The following TTC28 variants were observed in gnomAD, a reference collection of about 807,000 sequenced individuals.
TTC28 encodes tetratricopeptide repeat protein 28.
Under a neutral mutation model 198.0 loss-of-function variants are expected in TTC28, and 61 were observed. The observed-to-expected ratio is 0.31, with a 90% CI of 0.25 to 0.38. TTC28 has a LOEUF of 0.38. Ranked by LOEUF, TTC28 falls within the 10% of genes least tolerant of loss-of-function variation. TTC28 has a pLI of 1.00. For synonymous variants in TTC28, 1,171 were observed against 1,297.8 expected, an observed-to-expected ratio of 0.90 and a Z score of 2.10; for missense variants, 2,678 against 3,164.0, an observed-to-expected ratio of 0.85 and a Z score of 3.69.
intron 5 of TTC28, among the ~76,000 whole-genome samples, chr22:28,283,030 A>C (rs1281666317): frequency 6.6e-6 from 1 of 152,186 alleles, no homozygotes; most frequent in African/African-American, 2.4e-5. Flanking sequence ...CCGATTTATA[A>C]TACAAAGTAC....
At chr22:28,281,805 A>G (rs1192507912) in intron 5 of TTC28, among the ~76,000 whole-genome samples, 2 of 152,236 alleles carry the variant, frequency 1.3e-5, no homozygotes, top group Non-Finnish European at 2.9e-5. Flanking sequence ...ATCTCTATTC[A>G]GTTCTTCCAG....
intron 3 of TTC28, among the ~76,000 whole-genome samples, chr22:28,300,406 G>A (rs150065150): frequency 2.9e-4 from 44 of 152,098 alleles, no homozygotes; most frequent in Admixed American, 2.0e-3. Context: ...CTACAACAAT[G>A]GTAGAAAGAA....
At chr22:28,059,410 T>C (rs2146730931) in intron 12 of TTC28, among the ~76,000 whole-genome samples, 1 of 152,186 alleles carries the variant, frequency 6.6e-6, no homozygotes, top group South Asian at 2.1e-4. Flanking sequence ...TACCCTATAG[T>C]ATTTTAATCA....
At chr22:28,282,702 G>C (rs2044607787) in intron 5 of TTC28, among the ~76,000 whole-genome samples, 1 of 152,084 alleles carries the variant, frequency 6.6e-6, no homozygotes, top group Non-Finnish European at 1.5e-5. Flanking sequence ...GCAAAACCAG[G>C]ATTTGAATTT....
chr22:28,518,170 A>G (rs1244896666), intron 2 of TTC28, among the ~76,000 whole-genome samples: 1 of 152,106 alleles, frequency 6.6e-6, no homozygotes, highest in East Asian at 1.9e-4. Context: ...TGTTCCTATC[A>G]TTGGCTTTCT....
Position 27,999,044 on chromosome 22 carries a change from G to T in TTC28, c.4615C>A (p.Gln1539Lys). 1 of 1,550,332 alleles carries T rather than the reference G, an allele frequency of 6.5e-7. No individual in the cohort carries two copies. The highest frequency in any genetic ancestry group is 1.2e-5 in the South Asian group (1 of 84,064). The change falls in exon 16 of 23, where the codon CAG becomes AAG. Residue 1539 changes from glutamine (Q) to lysine (K), a missense_variant. Transcript: ENST00000397906. Reference protein sequence around the residue: ...TKERVMSALTQAECVHFATHI... With the variant: ...TKERVMSALTKAECVHFATHI... ...GTGGCAAAGTGGACGCATTCAGCCT[G>T]GGTCAGGGCACTCATGACCCTCTCC...
intron 21 of TTC28, among the ~76,000 whole-genome samples, chr22:27,989,066 C>T (rs1937307906): frequency 6.6e-6 from 1 of 152,222 alleles, no homozygotes; most frequent in Non-Finnish European, 1.5e-5. Flanking sequence ...GAGCCAGTCA[C>T]TGGGCCCCTA....
intron 14 of TTC28, chr22:28,002,123 G>A (rs891188934): frequency 1.3e-5 from 2 of 156,794 alleles, no homozygotes; most frequent in Non-Finnish European, 2.8e-5. Flanking sequence ...ATGCATGGAT[G>A]ACTCCCATCC....
chr22:28,630,067 G>A (rs1402171950), intron 1 of TTC28, among the ~76,000 whole-genome samples: 3 of 151,940 alleles, frequency 2.0e-5, no homozygotes, highest in East Asian at 1.9e-4. Context: ...AGAGCCGGTT[G>A]TTAAGAGACC....
At chr22:28,279,262 C>T (rs1468597869) in intron 5 of TTC28, among the ~76,000 whole-genome samples, 2 of 152,080 alleles carry the variant, frequency 1.3e-5, no homozygotes, top group African/African-American at 4.8e-5. Flanking sequence ...CATTAGTATA[C>T]TTTACCCCTA....
chr22:28,371,886 A>T (rs1745454745), intron 2 of TTC28, among the ~76,000 whole-genome samples: 1 of 150,734 alleles, frequency 6.6e-6, no homozygotes, highest in African/African-American at 2.4e-5. Context: ...AGCCCCAAAA[A>T]AAAAAAAAAT....
At chr22:28,266,860 GA>G (rs747748410) in intron 5 of TTC28, among the ~76,000 whole-genome samples, 2 of 152,168 alleles carry the variant, frequency 1.3e-5, no homozygotes, top group Non-Finnish European at 2.9e-5. Context: ...TTAAGCATCT[GA>G]AAATTGTCTA....
At chr22:28,285,399 G>A (rs910008680) in intron 5 of TTC28, among the ~76,000 whole-genome samples, 3 of 152,206 alleles carry the variant, frequency 2.0e-5, no homozygotes, top group African/African-American at 7.2e-5. Context: ...GTGGTTGCCA[G>A]GGCTTGGGGT....
At chr22:28,465,557 G>T (rs1398074771) in intron 2 of TTC28, among the ~76,000 whole-genome samples, 1 of 151,906 alleles carries the variant, frequency 6.6e-6, no homozygotes, top group Non-Finnish European at 1.5e-5. Context: ...CTAGGGAGTG[G>T]AAGTTGCAGT....
At chr22:28,482,838 G>C (rs1253028609) in intron 2 of TTC28, among the ~76,000 whole-genome samples, 1 of 152,090 alleles carries the variant, frequency 6.6e-6, no homozygotes, top group Non-Finnish European at 1.5e-5. Context: ...GTGACCTTTT[G>C]TGTCTGGCTT....
At chr22:28,206,919 G>A (rs113288087) in intron 5 of TTC28, among the ~76,000 whole-genome samples, 3 of 152,218 alleles carry the variant, frequency 2.0e-5, no homozygotes, top group African/African-American at 7.2e-5. Flanking sequence ...GGACGGAATC[G>A]GGTGGGGGTA....
At chr22:28,528,078 G>T (rs560295369) in intron 2 of TTC28, among the ~76,000 whole-genome samples, 6 of 152,322 alleles carry the variant, frequency 3.9e-5, no homozygotes, top group African/African-American at 1.4e-4. Context: ...ATTTAGGATT[G>T]TATTTCCAAC....
intron 2 of TTC28, among the ~76,000 whole-genome samples, chr22:28,612,852 TA>T (rs1489103568): frequency 1.3e-5 from 2 of 152,202 alleles, no homozygotes; most frequent in African/African-American, 2.4e-5. Context: ...GAGAAATTTA[TA>T]GCACTAAATG....
At chr22:28,065,246 C>G (rs998222533) in intron 12 of TTC28, among the ~76,000 whole-genome samples, 1 of 152,150 alleles carries the variant, frequency 6.6e-6, no homozygotes, top group African/African-American at 2.4e-5. Flanking sequence ...ATACTTCCCA[C>G]CAACATGAGA....
Sources: allele counts gnomAD v4.1 joint callset (sites outside exome capture counted in the v4.1 genomes callset), GRCh38; gene constraint gnomAD v4.1.1; transcripts MANE v1.5; gene names NCBI Gene and HGNC (gene_info 2026-07-23, HGNC 2026-07-21).